HDAC9: variants seen among roughly 807,000 people sequenced by gnomAD.
HDAC9 encodes histone deacetylase 9, also known as MEF-2 interacting transcription repressor (MITR) protein.
HDAC9 carries 41 observed loss-of-function variants against 139.4 expected under a neutral mutation model. The ratio of observed to expected loss-of-function variants is 0.29; its 90% CI spans 0.23 to 0.38. HDAC9 has a LOEUF of 0.38. Among genes scored for constraint, HDAC9 ranks in the 10% least tolerant of loss-of-function variants. The pLI is 1.00. For synonymous variants in HDAC9, 517 were observed against 476.2 expected (o/e 1.09, Z -1.12); for missense variants, 1,147 against 1,297.0 (o/e 0.88, Z 1.78).
chr7:18,657,944 C>T (rs558591903), intron 11 of HDAC9, among the ~76,000 whole-genome samples: 5 of 152,234 alleles, frequency 3.3e-5, no homozygotes, highest in South Asian at 2.1e-4. Context: ...TCCAGCCACA[C>T]TGGCCCCCTC....
intron 1 of HDAC9, among the ~76,000 whole-genome samples, chr7:18,466,271 A>G (rs1004351108): frequency 2.6e-5 from 4 of 152,076 alleles, no homozygotes; most frequent in Non-Finnish European, 5.9e-5. Flanking sequence ...ATTTCAGCTC[A>G]GTGCAACCTC....
rs564304103 is a variant in HDAC9, at chr7:18,930,387, A to T, written c.2804-5422A>T. On this transcript the variant is annotated intron_variant, in intron 22 of 25. Coordinates refer to ENST00000686413, the MANE Select transcript of HDAC9 (RefSeq NM_178425.4). ...TTGTGTCTTTAATGAAGCTAGAAGT[A>T]AATATGATTACATGAAACTTGCAAT... Among the ~76,000 whole-genome samples the T allele has an allele frequency of 1.8e-4, 28 of 152,244 alleles. No individual in the cohort carries two copies. In the South Asian group the frequency reaches 5.8e-3, roughly 32 times the overall value.
chr7:18,797,711 C>T (rs1005741384), intron 17 of HDAC9, among the ~76,000 whole-genome samples: 1 of 151,944 alleles, frequency 6.6e-6, no homozygotes, highest in Non-Finnish European at 1.5e-5. Context: ...CGCCTGTAAT[C>T]CCAGCTATGT....
chr7:18,338,390 G>A (rs1781742172), intron 1 of HDAC9, among the ~76,000 whole-genome samples: 1 of 151,528 alleles, frequency 6.6e-6, no homozygotes. Flanking sequence ...TTTCCTTAAT[G>A]TTTTCTTAGA....
At chr7:18,602,505 G>T in intron 6 of HDAC9, among the ~76,000 whole-genome samples, 1 of 149,962 alleles carries the variant, frequency 6.7e-6, no homozygotes. Flanking sequence ...AGCTTAGATT[G>T]TTATTTTTCC....
chr7:18,566,618 A>G (rs1158418706), intron 2 of HDAC9, among the ~76,000 whole-genome samples: 2 of 152,200 alleles, frequency 1.3e-5, no homozygotes, highest in East Asian at 1.9e-4. Context: ...TTTATACATG[A>G]GAAACCCAGG....
chr7:18,889,252 T>G (rs907815897), intron 22 of HDAC9, among the ~76,000 whole-genome samples: 1 of 152,162 alleles, frequency 6.6e-6, no homozygotes, highest in African/African-American at 2.4e-5. Context: ...CCTGGTTATC[T>G]TCTCAGCTCA....
intron 2 of HDAC9, among the ~76,000 whole-genome samples, chr7:18,534,107 T>G (rs1317383136): frequency 1.3e-5 from 2 of 152,216 alleles, no homozygotes; most frequent in African/African-American, 4.8e-5. Flanking sequence ...CTCCTGCGTG[T>G]TGGGAGCCTT....
In HDAC9 at chr7:18,997,526, G is replaced by T. The variant is rs764341222; in HGVS notation, c.*1464G>T. 1 of 152,062 alleles carries T rather than the reference G, an allele frequency of 6.6e-6. No homozygotes were observed. Among genetic ancestry groups the T allele is most frequent in the South Asian group, 2.1e-4 (1 of 4,822 alleles). 9.4% of individuals were successfully genotyped at this position (152,062 alleles called of 1,614,324 possible). On this transcript the variant is annotated 3_prime_UTR_variant, in exon 26 of 26. Transcript: ENST00000686413. ...AATATCTGACAATGCTTTTGAAAGA[G>T]TTGATGTTTCTTTTTATATATTTTT...
At chr7:18,492,590 T>C (rs1796453839), upstream of HDAC9, among the ~76,000 whole-genome samples, 1 of 151,984 alleles carries the variant, frequency 6.6e-6, no homozygotes, top group African/African-American at 2.4e-5. Flanking sequence ...CAATAAATGC[T>C]TACTTAATTG....
chr7:18,809,845 A>G (rs1394789789), intron 17 of HDAC9, among the ~76,000 whole-genome samples: 2 of 152,022 alleles, frequency 1.3e-5, no homozygotes, highest in South Asian at 2.1e-4. Flanking sequence ...GAACTGCCAT[A>G]TGATCCAGAA....
At chr7:18,235,497 A>G (rs1022588724) in intron 2 of HDAC9, among the ~76,000 whole-genome samples, 1 of 152,190 alleles carries the variant, frequency 6.6e-6, no homozygotes, top group African/African-American at 2.4e-5. Flanking sequence ...CTAACTGCCT[A>G]TGAGTTTGAC....
At position 18,998,331 on chromosome 7, in the gene HDAC9, T is replaced by C. The variant is rs1786578786; in HGVS notation, c.*2269T>C. The C allele has an allele frequency of 6.6e-6, 1 of 152,226 alleles. No homozygotes were observed. Among genetic ancestry groups the C allele is most frequent in the African/African-American group, 2.4e-5 (1 of 41,464 alleles). The allele number at this position is 152,226 out of a possible 1,614,324, so 9.4% of individuals were successfully genotyped here. On this transcript the variant is annotated 3_prime_UTR_variant, in exon 26 of 26. Coordinates refer to ENST00000686413, the MANE Select transcript of HDAC9 (RefSeq NM_178425.4). ...TAGCCACATGTTTATGCCAAGCCAT[T>C]AATCTGATAAAGCCAAATCACTAGG...
chr7:18,468,236 T>C (rs1794453458), intron 1 of HDAC9, among the ~76,000 whole-genome samples: 1 of 152,192 alleles, frequency 6.6e-6, no homozygotes, highest in Non-Finnish European at 1.5e-5. Context: ...TTTAAACTCC[T>C]CCTTGAGAAG....
At chr7:18,294,416 C>A (rs558160812) in intron 1 of HDAC9, among the ~76,000 whole-genome samples, 1 of 151,872 alleles carries the variant, frequency 6.6e-6, no homozygotes, top group Non-Finnish European at 1.5e-5. Flanking sequence ...ATTTATATAG[C>A]GTATCCTATA....
At chr7:18,295,923 A>G (rs745542411) in intron 1 of HDAC9, among the ~76,000 whole-genome samples, 11 of 152,144 alleles carry the variant, frequency 7.2e-5, no homozygotes, top group African/African-American at 1.2e-4. Context: ...CCAAATGTCA[A>G]TGGCTGAGAA....
intron 1 of HDAC9, among the ~76,000 whole-genome samples, chr7:18,359,467 T>C (rs1382145253): frequency 6.6e-6 from 1 of 152,218 alleles, no homozygotes; most frequent in Non-Finnish European, 1.5e-5. Context: ...CTGCTTTTCC[T>C]CAACTCTCAT....
At chr7:18,784,237 C>G (rs1360688314) in intron 16 of HDAC9, among the ~76,000 whole-genome samples, 1 of 151,912 alleles carries the variant, frequency 6.6e-6, no homozygotes, top group Non-Finnish European at 1.5e-5. Flanking sequence ...CCTCTCCTCT[C>G]CTCTCCTTTT....
intron 1 of HDAC9, among the ~76,000 whole-genome samples, chr7:18,482,985 A>G (rs1000259366): frequency 2.6e-5 from 4 of 152,238 alleles, no homozygotes; most frequent in African/African-American, 9.6e-5. Flanking sequence ...TTTTTGAAGT[A>G]CTGCTCTGAA....
Sources: allele counts gnomAD v4.1 joint callset (sites outside exome capture counted in the v4.1 genomes callset), GRCh38; gene constraint gnomAD v4.1.1; transcripts MANE v1.5; gene names NCBI Gene and HGNC (gene_info 2026-07-23, HGNC 2026-07-21).